Variants in SAMHD1 observed in about 807,000 individuals in gnomAD.
The protein encoded by SAMHD1 is deoxynucleoside triphosphate triphosphohydrolase SAMHD1.
In SAMHD1, 54 loss-of-function variants were observed where a neutral mutation model predicts 79.6. The observed-to-expected ratio is 0.68, with a 90% CI of 0.55 to 0.85. The LOEUF is 0.85. Ranked by LOEUF, SAMHD1 falls within the 40% of genes least tolerant of loss-of-function variation. The probability of loss-of-function intolerance (pLI) is 0.00; values close to 1 mark genes in which losing one functional copy is unlikely to be tolerated. For synonymous variants in SAMHD1, 260 were observed against 264.1 expected (o/e 0.98, Z 0.15); for missense variants, 663 against 782.7 (o/e 0.85, Z 1.82).
At chr20:36,942,708 G>A (rs2063654669) in intron 2 of SAMHD1, among the ~76,000 whole-genome samples, 1 of 151,450 alleles carries the variant, frequency 6.6e-6, no homozygotes, top group African/African-American at 2.4e-5. Context: ...GTGCAGTGAC[G>A]TGATCTCGGC....
At chr20:36,916,698 A>C in intron 9 of SAMHD1, 24 bp downstream of exon 9, 3 of 1,500,074 alleles carry the variant, frequency 2.0e-6, no homozygotes, top group Non-Finnish European at 1.9e-6. Flanking sequence ...CATTCTTCTT[A>C]TTGCCTCCTC....
chr20:36,899,411 G>C (rs1990260478), intron 13 of SAMHD1, among the ~76,000 whole-genome samples: 1 of 152,092 alleles, frequency 6.6e-6, no homozygotes, highest in Non-Finnish European at 1.5e-5. Flanking sequence ...CTAGGCAACA[G>C]AGCAAGACTC....
intron 11 of SAMHD1, among the ~76,000 whole-genome samples, chr20:36,907,161 A>G (rs2063409926): frequency 6.6e-6 from 1 of 151,434 alleles, no homozygotes; most frequent in South Asian, 2.1e-4. Flanking sequence ...GCGCGATCAT[A>G]GTTCACTGCA....
intron 4 of SAMHD1, chr20:36,931,130 G>A: frequency 2.0e-6 from 1 of 488,130 alleles, no homozygotes; most frequent in Non-Finnish European, 3.7e-6. Flanking sequence ...CACCCCTTAG[G>A]ATAGCTACTA....
chr20:36,913,340 A>G (rs1400963284), intron 9 of SAMHD1, among the ~76,000 whole-genome samples: 1 of 151,106 alleles, frequency 6.6e-6, no homozygotes, highest in East Asian at 2.0e-4. Context: ...GCGATGGCTC[A>G]TGCCTGTAAC....
chr20:36,898,747 A>AC lies in SAMHD1; in HGVS notation c.1504-204dup, dbSNP rs550466401. ...GCCAACATAGTGAAACCCCACCTCT[A>AC]CTAAAAGTACAAAAATTAGCTGGGC... On this transcript the variant is annotated intron_variant, in intron 13 of 15. Coordinates refer to ENST00000646673, the MANE Select transcript of SAMHD1 (RefSeq NM_015474.4). Among the ~76,000 whole-genome samples the AC allele has an allele frequency of 3.6e-4, 55 of 151,978 alleles. No homozygotes were observed. The East Asian group carries it at 8.3e-3, about 23-fold the overall frequency.
chr20:36,923,556 GACC>G, intron 6 of SAMHD1, among the ~76,000 whole-genome samples: 1 of 152,274 alleles, frequency 6.6e-6, no homozygotes, highest in Admixed American at 6.5e-5. Context: ...AGCTAGCACA[GACC>G]ATAATAACAA....
chr20:36,895,584 C>T (rs575260093), intron 15 of SAMHD1, among the ~76,000 whole-genome samples: 1 of 152,086 alleles, frequency 6.6e-6, no homozygotes, highest in Admixed American at 6.5e-5. Context: ...AGGTACTGTT[C>T]CAGGTACCTA....
At chr20:36,946,513 G>T (rs538846036) in intron 2 of SAMHD1, 14 of 470,694 alleles carry the variant, frequency 3.0e-5, no homozygotes, top group Admixed American at 1.7e-4. Context: ...CTTGAAGCCG[G>T]GAGGCAGAGG....
chr20:36,921,060 G>A (rs1381610904), intron 6 of SAMHD1, among the ~76,000 whole-genome samples: 2 of 151,908 alleles, frequency 1.3e-5, no homozygotes, highest in Non-Finnish European at 2.9e-5. Flanking sequence ...CTCCAGCCTG[G>A]GCAACAGAGC....
chr20:36,912,718 ATTAGTAAAGCCAT>A (rs1451904546), intron 9 of SAMHD1, among the ~76,000 whole-genome samples, 166 bp from the exon 10 acceptor site: 67 of 147,236 alleles, frequency 4.6e-4, no homozygotes, highest in Middle Eastern at 7.4e-3. Context: ...GAGGAGGCAG[ATTAGTAAAGCCAT>A]TTATTGGCTT....
intron 1 of SAMHD1, among the ~76,000 whole-genome samples, chr20:36,947,442 C>T (rs1311483533): frequency 3.2e-5 from 1 of 30,886 alleles, no homozygotes; most frequent in African/African-American, 2.1e-4. Flanking sequence ...GTGTGTGTGT[C>T]CTGGGAAAGC....
chr20:36,932,537 C>T (rs1334931899), intron 4 of SAMHD1, among the ~76,000 whole-genome samples: 2 of 146,548 alleles, frequency 1.4e-5, no homozygotes, highest in Non-Finnish European at 3.0e-5. Flanking sequence ...CTCACTGCAA[C>T]CTCAGGAGTA....
intron 15 of SAMHD1, chr20:36,893,757 A>ATG (rs1990138011): frequency 2.5e-6 from 1 of 396,206 alleles, no homozygotes; most frequent in African/African-American, 2.1e-5. Flanking sequence ...CAGGAATACA[A>ATG]TGCTGGTGGG....
chr20:36,904,890 T>G (rs529288789), intron 12 of SAMHD1: 2 of 184,762 alleles, frequency 1.1e-5, no homozygotes, highest in African/African-American at 4.8e-5. Flanking sequence ...CTTCAACAAG[T>G]AGGAGGTGAA....
intron 4 of SAMHD1, among the ~76,000 whole-genome samples, chr20:36,933,140 T>G (rs1332212282): frequency 6.6e-6 from 1 of 152,188 alleles, no homozygotes; most frequent in South Asian, 2.1e-4. Context: ...CATTTGAGTA[T>G]AGACACATGT....
At chr20:36,931,193 T>G (rs111722186) in intron 4 of SAMHD1, 31 of 382,124 alleles carry the variant, frequency 8.1e-5, no homozygotes, top group African/African-American at 6.2e-4. Flanking sequence ...GTGAAGAAGT[T>G]GGAAGCCTGT....
At chr20:36,914,218 CCT>C (rs548545261) in intron 9 of SAMHD1, among the ~76,000 whole-genome samples, 3 of 152,130 alleles carry the variant, frequency 2.0e-5, no homozygotes, top group Admixed American at 6.5e-5. Context: ...CGCTGCCACC[CCT>C]GAGACAGTAA....
intron 2 of SAMHD1, among the ~76,000 whole-genome samples, chr20:36,943,477 G>C (rs1317991184): frequency 1.3e-5 from 2 of 152,172 alleles, no homozygotes; most frequent in African/African-American, 2.4e-5. Flanking sequence ...TTTGAGTTAT[G>C]AGGTGGGGCA....
Sources: gnomAD v4.1 joint callset for allele counts (sites outside exome capture counted in the v4.1 genomes callset) on GRCh38, gnomAD v4.1.1 for gene constraint, MANE v1.5 for transcripts, NCBI Gene and HGNC (gene_info 2026-07-23, HGNC 2026-07-21) for gene names.